Variants in CCDC13 observed in about 807,000 individuals in gnomAD.
CCDC13 encodes coiled-coil domain containing 13.
CCDC13 carries 70 observed loss-of-function variants against 87.3 expected under a neutral mutation model. That is an observed-to-expected ratio of 0.80 (90% CI 0.66 to 0.98). CCDC13 has a LOEUF of 0.98. Ranked by LOEUF, CCDC13 falls within the 50% of genes least tolerant of loss-of-function variation. CCDC13 has a pLI of 0.00. For missense variants in CCDC13, 842 were observed against 892.0 expected (o/e 0.94, Z 0.71); for synonymous variants, 317 against 360.3 (o/e 0.88, Z 1.36).
chr3:42,747,430 A>G, intron 5 of CCDC13, 57 bp from the exon 6 acceptor site: 1 of 1,144,182 alleles, frequency 8.7e-7, no homozygotes, highest in South Asian at 1.2e-5. Context: ...GGGAATAGTA[A>G]TCATAGCCCC....
At chr3:42,743,600 T>TATATATATATATATACAC in intron 7 of CCDC13, among the ~76,000 whole-genome samples, 1 of 125,796 alleles carries the variant, frequency 7.9e-6, no homozygotes, top group African/African-American at 3.6e-5. Context: ...TATATATATA[T>TATATATATATATATACAC]ACACACACAC....
chr3:42,740,399 G>A (rs914574504), intron 8 of CCDC13, among the ~76,000 whole-genome samples: 7 of 152,060 alleles, frequency 4.6e-5, no homozygotes, highest in Non-Finnish European at 1.0e-4. Flanking sequence ...CATTCTCGAG[G>A]GTTTCCTGAG....
chr3:42,734,972 C>T (rs1384715410), intron 10 of CCDC13, among the ~76,000 whole-genome samples: 2 of 152,278 alleles, frequency 1.3e-5, no homozygotes, highest in African/African-American at 2.4e-5. Flanking sequence ...TGAGGCACCA[C>T]GGTCTGTGCT....
intron 3 of CCDC13, among the ~76,000 whole-genome samples, chr3:42,753,980 G>C (rs977146118): frequency 6.6e-6 from 1 of 152,174 alleles, no homozygotes; most frequent in Admixed American, 6.5e-5. Flanking sequence ...CATCGTCATC[G>C]ACTAGGTGGG....
rs371554766 is a variant in CCDC13 at position 42,732,926 on chromosome 3, G to C, written c.1556C>G (p.Thr519Arg). The stretch of plus-strand genomic sequence containing the variant: ...GTGGGGACTGGGCAGGGAAGGCCTC[G>C]TGAGAGCAGATTCCACCAGTGTGTG... ...LGHTLVESALTRPSLPSPHRT... is the reference protein window; with the variant it reads ...LGHTLVESALRRPSLPSPHRT... Residue 519 changes from threonine to arginine, a missense_variant, in exon 12 of 16, where the codon ACG becomes AGG. Transcript: ENST00000310232. 10 of 1,554,656 alleles carry C rather than the reference G, an allele frequency of 6.4e-6. 1 individual carries two copies. The highest frequency in any genetic ancestry group is 1.4e-5 in the African/African-American group (1 of 73,396).
Position 42,733,512 on chromosome 3 carries a change from G to A in CCDC13, c.1469C>T (p.Pro490Leu), listed in dbSNP as rs139169922. The change falls in exon 11 of 16, where the codon CCG (proline) becomes CTG (leucine). Residue 490 changes from proline (P) to leucine (L), a missense_variant. Pro to Leu is a moderately conservative substitution (Grantham distance 98, BLOSUM62 -3). Coordinates refer to ENST00000310232, the MANE Select transcript of CCDC13 (RefSeq NM_144719.4). ...GCCAACATGATCGCCTGCTGAGGCCGGGGACTTGGTCAGGCCTGGGTCCTC... is the reference window on the plus strand; with the variant it reads ...GCCAACATGATCGCCTGCTGAGGCCAGGGACTTGGTCAGGCCTGGGTCCTC... Reference protein sequence around the residue: ...FLEDPGLTKSPASAGDHVGRL... With the variant: ...FLEDPGLTKSLASAGDHVGRL... The A allele has an allele frequency of 1.4e-5, 23 of 1,613,808 alleles. No individual in the cohort carries two copies. Among genetic ancestry groups the A allele is most frequent in the African/African-American group, 4.0e-5 (3 of 74,852 alleles).
rs1346191460 is a variant in CCDC13, at chr3:42,706,656, A to T, written c.*2324T>A. ...TCAGTTTACCCAAAAATGTGCAAAC[A>T]AGATTTCCTGTGCCTGCCTGTCTGC... On this transcript the variant is annotated 3_prime_UTR_variant, in exon 16 of 16. Coordinates refer to ENST00000310232, the MANE Select transcript of CCDC13 (RefSeq NM_144719.4). 1 of 152,244 alleles carries T rather than the reference A, an allele frequency of 6.6e-6. No individual in the cohort carries two copies. The highest frequency in any genetic ancestry group is 1.5e-5 in the Non-Finnish European group (1 of 68,038). The allele number at this position is 152,244 out of a possible 1,614,324, so 9.4% of individuals were successfully genotyped here.
intron 13 of CCDC13, 63 bp downstream of exon 13, chr3:42,730,404 G>A (rs1379693152): frequency 6.3e-7 from 1 of 1,582,412 alleles, no homozygotes; most frequent in East Asian, 2.3e-5. Context: ...CATAAATGAG[G>A]CCTGGCCCCA....
chr3:42,771,181 A>G (rs1417422054), intron 1 of CCDC13: 2 of 152,270 alleles, frequency 1.3e-5, no homozygotes, highest in African/African-American at 4.8e-5. Context: ...CTAAATGTGT[A>G]TTGTTAAGTG....
chr3:42,769,607 T>C (rs1010476974), intron 1 of CCDC13, among the ~76,000 whole-genome samples: 1 of 152,286 alleles, frequency 6.6e-6, no homozygotes, highest in East Asian at 1.9e-4. Context: ...GCGCCCACTC[T>C]GGCGGTGCTT....
At chr3:42,732,501 A>G (rs768778002) in intron 12 of CCDC13, 4 of 218,102 alleles carry the variant, frequency 1.8e-5, no homozygotes, top group African/African-American at 6.9e-5. Flanking sequence ...GATTCTGTCA[A>G]CAAAGAGGGG....
At position 42,717,247 on chromosome 3, in the gene CCDC13, G is replaced by A. The variant is rs568620427; in HGVS notation, c.1719-3931C>T. Reference sequence around the variant, plus strand: ...TCAAGACCAGCCTGGCCAACATGGCGAAACCCCATCTCTACTAAAAATACA... The same window carrying A: ...TCAAGACCAGCCTGGCCAACATGGCAAAACCCCATCTCTACTAAAAATACA... On this transcript the variant is annotated intron_variant, in intron 13 of 15. Coordinates refer to ENST00000310232, the MANE Select transcript of CCDC13 (RefSeq NM_144719.4). 1.1e-4 allele frequency among the ~76,000 whole-genome samples: 17 copies of A among 152,052 alleles called. No individual in the cohort carries two copies. The South Asian group carries it at 2.9e-3, about 26-fold the overall frequency.
At chr3:42,722,791 CTTTTTTTTTTT>C (rs956889825) in intron 13 of CCDC13, among the ~76,000 whole-genome samples, 1 of 109,098 alleles carries the variant, frequency 9.2e-6, no homozygotes, top group Non-Finnish European at 1.8e-5. Flanking sequence ...TATTCCTTTA[CTTTTTTTTTTT>C]TTTTTTTTTT....
intron 13 of CCDC13, chr3:42,718,267 T>C (rs1490359125): frequency 6.6e-6 from 1 of 152,130 alleles, no homozygotes; most frequent in South Asian, 2.1e-4. Flanking sequence ...AAGTGACCTC[T>C]GGATGTCCTC....
chr3:42,739,734 C>G lies in CCDC13; in HGVS notation c.1064G>C (p.Arg355Pro). The change falls in exon 9 of 16, where the codon CGG becomes CCG. Residue 355 changes from arginine (R) to proline (P), a missense_variant. Arg to Pro is a moderately radical substitution (Grantham distance 103, BLOSUM62 -2). Transcript: ENST00000310232. ...LKKKFEGMRS[R>P]NKLLSSEMKT... The stretch of plus-strand genomic sequence containing the variant: ...CATCTCACTTGACAGCAGCTTGTTC[C>G]GAGACCTCATGCCCTCGAACTTCTT... 6.2e-7 allele frequency: 1 copy of G among 1,614,214 alleles called. No homozygotes were observed. The highest frequency in any genetic ancestry group is 8.5e-7 in the Non-Finnish European group (1 of 1,180,030).
At position 42,747,241 on chromosome 3, in the gene CCDC13, C is replaced by A; in HGVS notation, c.720+16G>T. On this transcript the variant is annotated intron_variant, in intron 6 of 15. Coordinates refer to ENST00000310232, the MANE Select transcript of CCDC13 (RefSeq NM_144719.4). ...CCCAGCCACACAAGAAGCCCCAAGC[C>A]CTGGCTCTGAAAGACCTTCTGTGCC... The A allele has an allele frequency of 6.3e-7, 1 of 1,598,222 alleles. No individual in the cohort carries two copies. Among genetic ancestry groups the A allele is most frequent in the Non-Finnish European group, 8.6e-7 (1 of 1,165,650 alleles).
chr3:42,737,644 T>C (rs1420248864), intron 9 of CCDC13, among the ~76,000 whole-genome samples: 25 of 152,246 alleles, frequency 1.6e-4, no homozygotes, highest in Admixed American at 1.6e-3. Context: ...TGGTTTTGAT[T>C]TGCATTTCTC....
chr3:42,751,812 C>T (rs1270434039), intron 5 of CCDC13, 124 bp downstream of exon 5: 7 of 766,592 alleles, frequency 9.1e-6, no homozygotes, highest in Non-Finnish European at 1.3e-5. Context: ...GGGCACCTGG[C>T]TCGGCAGCGG....
At chr3:42,727,403 A>G (rs1698716366) in intron 13 of CCDC13, among the ~76,000 whole-genome samples, 1 of 151,888 alleles carries the variant, frequency 6.6e-6, no homozygotes, top group Non-Finnish European at 1.5e-5. Context: ...ATAAATAAAT[A>G]AATAAAATAA....
Sources: gnomAD v4.1 joint callset for allele counts (sites outside exome capture counted in the v4.1 genomes callset) on GRCh38, gnomAD v4.1.1 for gene constraint, MANE v1.5 for transcripts, NCBI Gene and HGNC (gene_info 2026-07-23, HGNC 2026-07-21) for gene names.